The following EPHA3 variants were observed in gnomAD, a reference collection of about 807,000 sequenced individuals.
EPHA3 encodes the protein EPH receptor A3.
A neutral mutation model predicts 107.1 loss-of-function variants in EPHA3; 42 were observed. That is an observed-to-expected ratio of 0.39 (90% confidence interval 0.31 to 0.51). EPHA3 has a LOEUF of 0.51. Among genes scored for constraint, EPHA3 ranks in the 20% least tolerant of loss-of-function variants. The probability of loss-of-function intolerance (pLI) is 0.78; values close to 1 mark genes in which losing one functional copy is unlikely to be tolerated. For synonymous variants in EPHA3, 461 were observed against 424.8 expected (o/e 1.09, Z -1.05); for missense variants, 1,183 against 1,211.2 (o/e 0.98, Z 0.35).
intron 3 of EPHA3, among the ~76,000 whole-genome samples, chr3:89,336,780 G>T (rs1707401457): frequency 6.6e-6 from 1 of 152,058 alleles, no homozygotes; most frequent in South Asian, 2.1e-4. Flanking sequence ...CTAGAGAAAG[G>T]CTGGGTGCAG....
intron 2 of EPHA3, among the ~76,000 whole-genome samples, chr3:89,177,098 G>A (rs916752000): frequency 1.3e-4 from 20 of 152,142 alleles, no homozygotes; most frequent in South Asian, 2.1e-4. Flanking sequence ...GTGTGCACGT[G>A]TGTATGTGTG....
chr3:89,416,580 A>T (rs562514229), intron 10 of EPHA3, among the ~76,000 whole-genome samples: 1 of 151,586 alleles, frequency 6.6e-6, no homozygotes, highest in East Asian at 1.9e-4. Flanking sequence ...TAATAACCAT[A>T]ATTGCTATCC....
chr3:89,193,757 T>C (rs1477971953), intron 2 of EPHA3, among the ~76,000 whole-genome samples: 1 of 152,042 alleles, frequency 6.6e-6, no homozygotes, highest in Non-Finnish European at 1.5e-5. Context: ...ACTACTTTTT[T>C]AGAAAAATTT....
At chr3:89,180,628 G>C (rs1464899653) in intron 2 of EPHA3, among the ~76,000 whole-genome samples, 1 of 151,964 alleles carries the variant, frequency 6.6e-6, no homozygotes, top group East Asian at 1.9e-4. Flanking sequence ...TAAGGCCATA[G>C]AAGGTTAAGG....
At chr3:89,439,424 C>T (rs766644891) in intron 13 of EPHA3, among the ~76,000 whole-genome samples, 87 of 152,084 alleles carry the variant, frequency 5.7e-4, no homozygotes, top group Admixed American at 1.7e-3. Flanking sequence ...TGCCATTGCA[C>T]TTTAGGCTGG....
rs1559711617 is a variant in EPHA3 at position 89,479,442 on chromosome 3, G to T, written c.2892G>T (p.Lys964Asn). The T allele has an allele frequency of 6.2e-7, 1 of 1,614,184 alleles. No homozygotes were observed. The highest frequency in any genetic ancestry group is 1.1e-5 in the South Asian group (1 of 91,086). ...VGVTVVGPQK[K>N]IISSIKALET... ...TCACCGTGGTTGGGCCACAGAAGAAGATCATCAGTAGCATTAAAGCTCTAG... is the reference window on the plus strand; with the variant it reads ...TCACCGTGGTTGGGCCACAGAAGAATATCATCAGTAGCATTAAAGCTCTAG... The change falls in exon 17 of 17, where the codon AAG becomes AAT. Residue 964 changes from lysine (K) to asparagine (N), a missense_variant. Coordinates refer to ENST00000336596, the MANE Select transcript of EPHA3 (RefSeq NM_005233.6).
At chr3:89,177,353 G>A (rs1369903221) in intron 2 of EPHA3, among the ~76,000 whole-genome samples, 1 of 152,112 alleles carries the variant, frequency 6.6e-6, no homozygotes, top group African/African-American at 2.4e-5. Context: ...GACATCCAGA[G>A]CGACCACAAG....
At chr3:89,421,239 C>T (rs964614598) in intron 11 of EPHA3, among the ~76,000 whole-genome samples, 1 of 150,876 alleles carries the variant, frequency 6.6e-6, no homozygotes. Context: ...AGGGCAAAAA[C>T]CCATGTTATT....
intron 2 of EPHA3, among the ~76,000 whole-genome samples, chr3:89,176,006 T>C (rs1176445503): frequency 1.3e-5 from 2 of 152,188 alleles, no homozygotes; most frequent in African/African-American, 2.4e-5. Context: ...TTGTTTAAGT[T>C]TCAGATATTT....
intron 3 of EPHA3, among the ~76,000 whole-genome samples, chr3:89,303,933 A>G (rs1457040892): frequency 6.6e-6 from 1 of 152,142 alleles, no homozygotes; most frequent in East Asian, 1.9e-4. Flanking sequence ...TCTGCCAAAT[A>G]ATAGTATGAG....
chr3:89,391,910 A>G (rs1708751672), intron 5 of EPHA3, among the ~76,000 whole-genome samples: 1 of 152,190 alleles, frequency 6.6e-6, no homozygotes, highest in African/African-American at 2.4e-5. Flanking sequence ...TACCAATACA[A>G]CAAAAATGTA....
chr3:89,334,300 G>A (rs1367854862), intron 3 of EPHA3, among the ~76,000 whole-genome samples: 5 of 152,140 alleles, frequency 3.3e-5, no homozygotes, highest in Non-Finnish European at 7.4e-5. Flanking sequence ...TCTTTTTCAA[G>A]TATATTTGTT....
chr3:89,408,667 A>AT (rs879909923), intron 9 of EPHA3, among the ~76,000 whole-genome samples: 23 of 152,072 alleles, frequency 1.5e-4, no homozygotes, highest in Non-Finnish European at 2.5e-4. Flanking sequence ...TACCCTTTTA[A>AT]TTTTTTTTAA....
intron 2 of EPHA3, among the ~76,000 whole-genome samples, chr3:89,202,078 C>G (rs554350084): frequency 2.6e-5 from 4 of 152,112 alleles, no homozygotes; most frequent in Non-Finnish European, 5.9e-5. Context: ...TTTCCAGGAC[C>G]TTCCTTCACA....
chr3:89,176,846 G>T (rs1471336575), intron 2 of EPHA3, among the ~76,000 whole-genome samples: 1 of 152,052 alleles, frequency 6.6e-6, no homozygotes, highest in African/African-American at 2.4e-5. Context: ...TTTTCAAAAT[G>T]GCTTTCAAAT....
chr3:89,228,143 A>G (rs1704541859), intron 3 of EPHA3, among the ~76,000 whole-genome samples: 1 of 151,954 alleles, frequency 6.6e-6, no homozygotes, highest in Non-Finnish European at 1.5e-5. Context: ...TCCCCAGATA[A>G]AATGCCTACT....
At position 89,294,407 on chromosome 3, in the gene EPHA3, A is replaced by G. The variant is rs557403413; in HGVS notation, c.815-46509A>G. On this transcript the variant is annotated intron_variant, in intron 3 of 16. Coordinates refer to ENST00000336596, the MANE Select transcript of EPHA3 (RefSeq NM_005233.6). ...AGTTAAAAATGCATTACTAAATTGA[A>G]GTAGCCCAATGCTCTTCACATTTTA... Among the ~76,000 whole-genome samples the G allele has an allele frequency of 5.2e-3, 793 of 152,302 alleles. 5 individuals are homozygous for G. The highest frequency in any genetic ancestry group is 6.5e-3 in the Non-Finnish European group (441 of 68,016).
intron 2 of EPHA3, among the ~76,000 whole-genome samples, chr3:89,180,598 G>A (rs1180905383): frequency 6.6e-6 from 1 of 151,932 alleles, no homozygotes; most frequent in African/African-American, 2.4e-5. Context: ...AAGTATAAGG[G>A]CAGCAGTTTA....
At chr3:89,157,874 A>C (rs75687732) in intron 2 of EPHA3, among the ~76,000 whole-genome samples, 2 of 151,466 alleles carry the variant, frequency 1.3e-5, no homozygotes, top group African/African-American at 4.8e-5. Flanking sequence ...AAAAAAAAAA[A>C]GGGAAAGAAG....
Sources: allele counts gnomAD v4.1 joint callset (sites outside exome capture counted in the v4.1 genomes callset), GRCh38; gene constraint gnomAD v4.1.1; transcripts MANE v1.5; gene names NCBI Gene and HGNC (gene_info 2026-07-23, HGNC 2026-07-21).